TRMT11: variants seen among roughly 807,000 people sequenced by gnomAD.
The protein encoded by TRMT11 is tRNA (guanine(10)-N(2))-methyltransferase TRMT11.
A neutral mutation model predicts 62.8 loss-of-function variants in TRMT11; 53 were observed. The observed-to-expected ratio is 0.84, with a 90% confidence interval of 0.68 to 1.06. The LOEUF (loss-of-function observed/expected upper bound fraction) is 1.06. Ranked by LOEUF, TRMT11 falls within the 50% of genes least tolerant of loss-of-function variation. TRMT11 has a pLI of 0.00. For missense variants in TRMT11, 556 were observed against 553.4 expected (o/e 1.00, Z -0.05); for synonymous variants, 188 against 190.3 (o/e 0.99, Z 0.10).
At chr6:126,050,733 A>G (rs1776192407) in intron 16 of TRMT11, among the ~76,000 whole-genome samples, 1 of 152,082 alleles carries the variant, frequency 6.6e-6, no homozygotes, top group African/African-American at 2.4e-5. Context: ...AATGGAGTGT[A>G]GGATGTGTTT....
chr6:126,215,402 A>G, the TRMT11 span, among the ~76,000 whole-genome samples: 2 of 151,926 alleles, frequency 1.3e-5, no homozygotes, highest in South Asian at 4.1e-4. Context: ...GTTGTTTTTA[A>G]GCTCTTGCTG....
intron 21 of TRMT11, among the ~76,000 whole-genome samples, chr6:126,147,694 G>C (rs1456691415): frequency 1.3e-5 from 2 of 152,110 alleles, no homozygotes; most frequent in Non-Finnish European, 2.9e-5. Flanking sequence ...TGGAGGTGGG[G>C]ATTTAAAAAG....
Position 126,187,816 on chromosome 6 carries a change from GTATA to G in TRMT11, n.143+10484_143+10487del, listed in dbSNP as rs536918773. ...GAACAGAGCTCAGAAATAGACTCAT[GTATA>G]TACAGTAAATTGCTTTTCCATCAAG... On this transcript the variant is annotated intron_variant and non_coding_transcript_variant, in intron 1 of 3. Coordinates refer to the TRMT11 transcript ENST00000444229. 9.2e-5 allele frequency among the ~76,000 whole-genome samples: 14 copies of G among 151,818 alleles called. No individual in the cohort carries two copies. The South Asian group carries it at 2.9e-3, about 31-fold the overall frequency.
rs1315689380 is a variant in TRMT11, at chr6:125,998,209, TCC to T, written c.295-13_295-12del. On this transcript the variant is annotated splice_polypyrimidine_tract_variant and intron_variant, in intron 4 of 12. Transcript: ENST00000334379. ...AATTAAAATACTCAAAAAACTGATT[TCC>T]TTTTATTTTAGGTTCCATTTCTACA... 6.3e-7 allele frequency: 1 copy of T among 1,598,612 alleles called. No individual in the cohort carries two copies. The highest frequency in any genetic ancestry group is 2.2e-5 in the East Asian group (1 of 44,762).
intron 21 of TRMT11, among the ~76,000 whole-genome samples, chr6:126,139,889 G>A (rs1328584124): frequency 6.6e-6 from 1 of 151,906 alleles, no homozygotes; most frequent in Non-Finnish European, 1.5e-5. Context: ...AATTTTGTCT[G>A]TTTTTATTCT....
At chr6:126,209,394 T>C in the TRMT11 span, among the ~76,000 whole-genome samples, 1 of 152,098 alleles carries the variant, frequency 6.6e-6, no homozygotes, top group African/African-American at 2.4e-5. Context: ...CTCTGTAAGG[T>C]TGCAAAGCCT....
chr6:126,148,754 A>G (rs1007834594), intron 21 of TRMT11, among the ~76,000 whole-genome samples: 2 of 152,216 alleles, frequency 1.3e-5, no homozygotes, highest in African/African-American at 4.8e-5. Flanking sequence ...TTAGATTGAT[A>G]ATAGTGAATA....
chr6:125,998,723 T>C (rs758724635), intron 6 of TRMT11, 39 bp downstream of exon 6: 1 of 1,599,770 alleles, frequency 6.3e-7, no homozygotes. Flanking sequence ...AGTTTGTTTT[T>C]TTGAAAGCTA....
the TRMT11 span, among the ~76,000 whole-genome samples, chr6:126,253,029 T>A: frequency 3.3e-5 from 5 of 152,188 alleles, no homozygotes; most frequent in African/African-American, 1.2e-4. Context: ...CAAGAATGTA[T>A]GGAGTAAGCT....
intron 3 of TRMT11, among the ~76,000 whole-genome samples, chr6:126,200,393 A>C (rs905709578): frequency 2.6e-5 from 4 of 152,162 alleles, no homozygotes; most frequent in African/African-American, 9.7e-5. Context: ...TCATCTAGAA[A>C]ATGCCACCGT....
Position 126,105,720 on chromosome 6 carries a change from T to C in TRMT11, c.*1438-7146T>C, listed in dbSNP as rs561023962. ...TATCTTAAAAGTTTGATTTTCAATA[T>C]GGAGAGTTAGCTTTCATTTTTTAGG... On this transcript the variant is annotated intron_variant and NMD_transcript_variant, in intron 17 of 22. Coordinates refer to the TRMT11 transcript ENST00000648977. Among the ~76,000 whole-genome samples the C allele has an allele frequency of 7.2e-5, 11 of 152,286 alleles. No individual in the cohort carries two copies. In the South Asian group the frequency reaches 2.3e-3, roughly 32 times the overall value.
At chr6:126,084,452 G>T (rs1318122776) in intron 17 of TRMT11, among the ~76,000 whole-genome samples, 1 of 152,014 alleles carries the variant, frequency 6.6e-6, no homozygotes, top group African/African-American at 2.4e-5. Flanking sequence ...CTCTTGAGTT[G>T]TATGAGTTCT....
At chr6:126,006,563 A>G (rs1793384239) in intron 7 of TRMT11, among the ~76,000 whole-genome samples, 1 of 151,612 alleles carries the variant, frequency 6.6e-6, no homozygotes, top group Admixed American at 6.6e-5. Context: ...GAAATGGGTG[A>G]GTCATGTTAC....
intron 11 of TRMT11, among the ~76,000 whole-genome samples, chr6:126,016,797 C>T (rs1459246361): frequency 1.3e-5 from 2 of 151,518 alleles, no homozygotes; most frequent in Non-Finnish European, 2.9e-5. Flanking sequence ...CATTTATTTC[C>T]CTGAGTTTTT....
the TRMT11 span, among the ~76,000 whole-genome samples, chr6:126,220,023 G>A: frequency 6.6e-6 from 1 of 152,126 alleles, no homozygotes; most frequent in Non-Finnish European, 1.5e-5. Context: ...GTTAGCAGGT[G>A]GAAGGCATTG....
At chr6:126,224,655 C>T in the TRMT11 span, among the ~76,000 whole-genome samples, 1 of 151,664 alleles carries the variant, frequency 6.6e-6, no homozygotes, top group Non-Finnish European at 1.5e-5. Flanking sequence ...GCAGCAGGGT[C>T]CACACACATG....
intron 17 of TRMT11, among the ~76,000 whole-genome samples, chr6:126,068,845 A>C (rs184129069): frequency 4.1e-4 from 62 of 152,268 alleles, no homozygotes; most frequent in Middle Eastern, 3.4e-3. Flanking sequence ...AGTGAATCCC[A>C]AAAAGATTAT....
intron 1 of TRMT11, among the ~76,000 whole-genome samples, chr6:125,992,149 T>G (rs1029438716): frequency 6.6e-6 from 1 of 152,238 alleles, no homozygotes; most frequent in Non-Finnish European, 1.5e-5. Flanking sequence ...GCTTTTCAAT[T>G]TGAAACTTGG....
chr6:126,193,659 AT>A (rs1178504858), intron 1 of TRMT11, among the ~76,000 whole-genome samples: 2 of 150,418 alleles, frequency 1.3e-5, no homozygotes, highest in East Asian at 3.9e-4. Flanking sequence ...CGCCTGGCTA[AT>A]TTTTTCTATT....
Sources: allele counts gnomAD v4.1 joint callset (sites outside exome capture counted in the v4.1 genomes callset), GRCh38; gene constraint gnomAD v4.1.1; transcripts MANE v1.5; gene names NCBI Gene and HGNC (gene_info 2026-07-23, HGNC 2026-07-21).